UTRN: variants seen among roughly 807,000 people sequenced by gnomAD.
The protein encoded by UTRN is utrophin, also known as dystrophin-related protein 1.
A neutral mutation model predicts 463.9 loss-of-function variants in UTRN; 283 were observed. The ratio of observed to expected loss-of-function variants is 0.61; its 90% CI spans 0.55 to 0.67. The LOEUF (loss-of-function observed/expected upper bound fraction) is 0.67, where lower values mean the gene tolerates loss of function less well. Ranked by LOEUF, UTRN falls within the 30% of genes least tolerant of loss-of-function variation. The pLI, the probability that UTRN is intolerant of heterozygous loss-of-function variation, is 0.00. For missense variants in UTRN, 3,922 were observed against 4,084.3 expected, an observed-to-expected ratio of 0.96 and a Z score of 1.08; for synonymous variants, 1,442 against 1,431.5, an observed-to-expected ratio of 1.01 and a Z score of -0.17.
chr6:144,608,236 G>A (rs566968614), intron 51 of UTRN, among the ~76,000 whole-genome samples: 3 of 152,246 alleles, frequency 2.0e-5, no homozygotes, highest in Admixed American at 6.5e-5. Context: ...AGAAGAAAAG[G>A]GAATCCTACT....
chr6:144,380,182 T>C (rs1780784022), intron 2 of UTRN, among the ~76,000 whole-genome samples: 1 of 152,154 alleles, frequency 6.6e-6, no homozygotes, highest in Non-Finnish European at 1.5e-5. Flanking sequence ...GAGATATTGG[T>C]AAAAAATTAT....
At chr6:144,452,875 G>C (rs1788466840) in intron 18 of UTRN, among the ~76,000 whole-genome samples, 1 of 151,120 alleles carries the variant, frequency 6.6e-6, no homozygotes, top group Non-Finnish European at 1.5e-5. Context: ...CCAGGAGGTT[G>C]AGGCTGCAGT....
chr6:144,667,893 T>C (rs1178382386), intron 51 of UTRN, among the ~76,000 whole-genome samples: 2 of 152,210 alleles, frequency 1.3e-5, no homozygotes, highest in African/African-American at 4.8e-5. Flanking sequence ...TCTGCACTGC[T>C]CTGGGATAGA....
chr6:144,678,846 A>T (rs1042120726), intron 52 of UTRN, among the ~76,000 whole-genome samples: 2 of 152,198 alleles, frequency 1.3e-5, no homozygotes, highest in Non-Finnish European at 2.9e-5. Context: ...TGTTAGCAAC[A>T]TCTGCTAATT....
intron 2 of UTRN, among the ~76,000 whole-genome samples, chr6:144,353,420 A>ATTT (rs35761189): frequency 1.1e-4 from 15 of 138,862 alleles, no homozygotes; most frequent in East Asian, 8.2e-4. Context: ...GGCCCTTCTG[A>ATTT]TTTTTTTTTT....
intron 51 of UTRN, among the ~76,000 whole-genome samples, chr6:144,672,914 A>G (rs551030370): frequency 2.0e-5 from 3 of 152,198 alleles, no homozygotes; most frequent in African/African-American, 7.2e-5. Flanking sequence ...TTCCATCTTG[A>G]TATCTTTGTT....
intron 48 of UTRN, among the ~76,000 whole-genome samples, chr6:144,553,002 A>G (rs1389050806): frequency 6.6e-6 from 1 of 152,232 alleles, no homozygotes; most frequent in Non-Finnish European, 1.5e-5. Flanking sequence ...GAATGATGAC[A>G]TGTAAGTATA....
intron 51 of UTRN, among the ~76,000 whole-genome samples, chr6:144,644,647 A>G (rs986010389): frequency 6.6e-5 from 10 of 152,256 alleles, no homozygotes; most frequent in African/African-American, 2.4e-4. Flanking sequence ...GTGTTTTTCT[A>G]AAAAGAAATT....
In UTRN at chr6:144,286,461, T is replaced by A. The variant is rs887001049; in HGVS notation, c.-93+640T>A. On this transcript the variant is annotated intron_variant, in intron 1 of 74. Transcript: ENST00000367545. The surrounding 1 kb of genome is among the most constrained non-coding windows in gnomAD (Gnocchi z 4.4). ...TCGCCAAGCTCCCTGGCAGCGGCCC[T>A]GGAGAGACTGAGGGGACAGGAGGAG... Among the ~76,000 whole-genome samples the A allele has an allele frequency of 1.3e-4, 20 of 152,018 alleles. No homozygotes were observed. The highest frequency in any genetic ancestry group is 1.2e-3 in the Admixed American group (19 of 15,280).
intron 54 of UTRN, among the ~76,000 whole-genome samples, chr6:144,735,446 A>T (rs1483003789): frequency 6.6e-6 from 1 of 152,200 alleles, no homozygotes; most frequent in Admixed American, 6.5e-5. Flanking sequence ...CCTGGACGGC[A>T]GATGGGGATG....
intron 55 of UTRN, 80 bp from the exon 56 acceptor site, chr6:144,751,726 C>G (rs1791421878): frequency 1.4e-6 from 2 of 1,386,670 alleles, no homozygotes; most frequent in Admixed American, 2.6e-5. Flanking sequence ...GCAGTTCAGA[C>G]CTAAGTTATT....
intron 13 of UTRN, among the ~76,000 whole-genome samples, chr6:144,442,889 A>G (rs780152561): frequency 9.2e-5 from 14 of 152,222 alleles, no homozygotes; most frequent in Non-Finnish European, 2.1e-4. Flanking sequence ...GTTAAAATGT[A>G]GATTCCTAGG....
At chr6:144,803,978 C>T (rs9497086) in intron 65 of UTRN, among the ~76,000 whole-genome samples, 2,772 of 152,092 alleles carry the variant, frequency 0.018, 78 homozygotes, top group African/African-American at 0.063. Flanking sequence ...TTACTAAGCC[C>T]CACCAGTATT....
At chr6:144,348,845 A>G (rs1777834396) in intron 2 of UTRN, among the ~76,000 whole-genome samples, 1 of 152,070 alleles carries the variant, frequency 6.6e-6, no homozygotes, top group African/African-American at 2.4e-5. Context: ...GAGGCAGGAG[A>G]ATTGCTTGAA....
intron 51 of UTRN, among the ~76,000 whole-genome samples, chr6:144,662,318 C>T (rs948631508): frequency 6.6e-6 from 1 of 152,154 alleles, no homozygotes; most frequent in Non-Finnish European, 1.5e-5. Context: ...GTACCTCACA[C>T]GTCTCAAATA....
At chr6:144,486,272 G>T (rs968735569) in intron 28 of UTRN, among the ~76,000 whole-genome samples, 3 of 152,144 alleles carry the variant, frequency 2.0e-5, no homozygotes, top group Non-Finnish European at 4.4e-5. Flanking sequence ...CTAGAGAAAA[G>T]ATGTCACTTC....
At chr6:144,381,180 C>T (rs576407779) in intron 2 of UTRN, among the ~76,000 whole-genome samples, 1 of 152,268 alleles carries the variant, frequency 6.6e-6, no homozygotes, top group East Asian at 1.9e-4. Context: ...CCCCAACCTC[C>T]ACCCTCCAAT....
intron 3 of UTRN, 61 bp from the exon 4 acceptor site, chr6:144,421,817 G>C: frequency 7.4e-7 from 1 of 1,345,644 alleles, no homozygotes; most frequent in Admixed American, 2.1e-5. Context: ...ATTTGCCCAG[G>C]TATATATGGA....
At chr6:144,432,023 T>C (rs1001451514) in intron 9 of UTRN, among the ~76,000 whole-genome samples, 8 of 152,222 alleles carry the variant, frequency 5.3e-5, no homozygotes, top group Non-Finnish European at 1.0e-4. Context: ...TTAGGGTACA[T>C]GTGCACAACA....
Sources: gnomAD v4.1 joint callset for allele counts (sites outside exome capture counted in the v4.1 genomes callset) on GRCh38, gnomAD v4.1.1 for gene constraint, Gnocchi (gnomAD v3.1) non-coding constraint, MANE v1.5 for transcripts, NCBI Gene and HGNC (gene_info 2026-07-23, HGNC 2026-07-21) for gene names.